Variants in PTBP1 observed in about 807,000 individuals in gnomAD.
PTBP1 encodes the protein polypyrimidine tract-binding protein 1.
A neutral mutation model predicts 59.8 loss-of-function variants in PTBP1; 8 were observed. The observed-to-expected ratio is 0.13, with a 90% CI of 0.08 to 0.24. The LOEUF is 0.24. Among genes scored for constraint, PTBP1 ranks in the 10% least tolerant of loss-of-function variants. The probability of loss-of-function intolerance (pLI) is 1.00; values close to 1 mark genes in which losing one functional copy is unlikely to be tolerated. For missense variants in PTBP1, 686 were observed against 767.0 expected (o/e 0.89, Z 1.25); for synonymous variants, 490 against 320.7 (o/e 1.53, Z -5.64).
At chr19:799,497 C>A in intron 2 of PTBP1, 54 bp downstream of exon 2, 1 of 1,581,308 alleles carries the variant, frequency 6.3e-7, no homozygotes, top group African/African-American at 1.3e-5. Context: ...TTGTGCCGAC[C>A]CCGGGGGCCA....
intron 1 of PTBP1, among the ~76,000 whole-genome samples, chr19:798,072 C>G (rs1243730467): frequency 6.6e-6 from 1 of 151,646 alleles, no homozygotes; most frequent in African/African-American, 2.4e-5. Flanking sequence ...CGCCGCGGGC[C>G]CGAGTCTCTG....
At chr19:802,908 T>G (rs962519384) in intron 2 of PTBP1, among the ~76,000 whole-genome samples, 3 of 152,242 alleles carry the variant, frequency 2.0e-5, no homozygotes, top group African/African-American at 7.2e-5. Flanking sequence ...GGAGCCGCTG[T>G]GGAGCTCCCC....
At chr19:802,598 G>C in intron 2 of PTBP1, among the ~76,000 whole-genome samples, 1 of 152,182 alleles carries the variant, frequency 6.6e-6, no homozygotes, top group Non-Finnish European at 1.5e-5. Flanking sequence ...CCCTGTCCTG[G>C]GGGGCCTGGG....
At chr19:810,672 G>A (rs765890703) in intron 14 of PTBP1, 22 bp from the exon 15 acceptor site, 2 of 1,611,740 alleles carry the variant, frequency 1.2e-6, no homozygotes, top group African/African-American at 1.3e-5. Context: ...CCTGCGGCCG[G>A]CCCTGACCCC....
chr19:812,184 G>A lies in PTBP1; in HGVS notation c.*1358G>A, dbSNP rs1265048005. On this transcript the variant is annotated 3_prime_UTR_variant, in exon 15 of 15. Coordinates refer to ENST00000356948, the MANE Select transcript of PTBP1 (RefSeq NM_002819.5). Reference sequence around the variant, plus strand: ...TCCGTTGCCTTACCCGATGGCTTGTGACGCGGAGAGAACCGATTAAAACCG... The same window carrying A: ...TCCGTTGCCTTACCCGATGGCTTGTAACGCGGAGAGAACCGATTAAAACCG... 1 of 152,452 alleles carries A rather than the reference G, an allele frequency of 6.6e-6. No individual in the cohort carries two copies. Among genetic ancestry groups the A allele is most frequent in the African/African-American group, 2.4e-5 (1 of 41,462 alleles). The allele number at this position is 152,452 out of a possible 1,614,324, so 9.4% of individuals were successfully genotyped here. A position where few individuals can be genotyped will look rare whatever the true frequency, so the allele number is the denominator to read the frequency against.
Position 805,082 on chromosome 19 carries a change from C to G in PTBP1, c.787C>G (p.Leu263Val). The G allele has an allele frequency of 6.2e-7, 1 of 1,613,924 alleles. No individual in the cohort carries two copies. Among genetic ancestry groups the G allele is most frequent in the Non-Finnish European group, 8.5e-7 (1 of 1,179,888 alleles). Reference protein sequence around the residue: ...LRIDFSKLTSLNVKYNNDKSR... With the variant: ...LRIDFSKLTSVNVKYNNDKSR... ...CATCGACTTTTCCAAGCTCACCAGC[C>G]TCAACGTCAAGTACAACAATGACAA... The change falls in exon 8 of 15, where the codon CTC becomes GTC. Residue 263 changes from leucine to valine, a missense_variant. Transcript: ENST00000356948.
At chr19:800,624 G>A (rs553201049) in intron 2 of PTBP1, among the ~76,000 whole-genome samples, 1 of 152,348 alleles carries the variant, frequency 6.6e-6, no homozygotes, top group Non-Finnish European at 1.5e-5. Context: ...CCTGGGCCAG[G>A]TTTCGGTTTT....
At position 805,207 on chromosome 19, in the gene PTBP1, G is replaced by C. The variant is rs369478306; in HGVS notation, c.892+20G>C. 1.2e-6 allele frequency: 2 copies of C among 1,611,688 alleles called. No individual in the cohort carries two copies. The highest frequency in any genetic ancestry group is 1.7e-6 in the Non-Finnish European group (2 of 1,179,086). ...CCTTCGGTAAGAGGCTGCCCGACGC[G>C]GCGCCAGTGTGCAGAGTGGTCTATT... On this transcript the variant is annotated intron_variant, in intron 8 of 14. Coordinates refer to ENST00000356948, the MANE Select transcript of PTBP1 (RefSeq NM_002819.5).
Position 803,460 on chromosome 19 carries a change from TG to T in PTBP1, c.40-98del, listed in dbSNP as rs1599225474. 1.2e-4 allele frequency: 115 copies of T among 976,668 alleles called. 1 individual carries two copies. The South Asian group carries it at 1.5e-3, about 13-fold the overall frequency. The allele number at this position is 976,668 out of a possible 1,614,324, so 60.5% of individuals were successfully genotyped here. A position where few individuals can be genotyped will look rare whatever the true frequency, so the allele number is the denominator to read the frequency against. ...TGGGTGTGGGTATGGGTTGGGGGTC[TG>T]GGACCCCAGGCAGCCCAAGTGGGAG... On this transcript the variant is annotated intron_variant, in intron 2 of 14. Transcript: ENST00000356948.
chr19:806,586 T>C, intron 10 of PTBP1, 30 bp downstream of exon 10: 2 of 1,469,978 alleles, frequency 1.4e-6, no homozygotes, highest in Non-Finnish European at 1.8e-6. Flanking sequence ...GCGCCGCCGT[T>C]CCTCCCGGAA....
intron 10 of PTBP1, 167 bp from the exon 11 acceptor site, chr19:807,702 C>G: frequency 1.7e-6 from 1 of 603,320 alleles, no homozygotes; most frequent in Non-Finnish European, 3.0e-6. Flanking sequence ...CCCTGCTCTC[C>G]GGAAACCAAC....
rs1317191140 is a variant in PTBP1, at chr19:808,839, G to A, written c.1463+77G>A. 2 of 1,387,766 alleles carry A rather than the reference G, an allele frequency of 1.4e-6. No individual in the cohort carries two copies. Among genetic ancestry groups the A allele is most frequent in the Non-Finnish European group, 2.0e-6 (2 of 1,000,792 alleles). 86.0% of individuals were successfully genotyped at this position (1,387,766 alleles called of 1,614,324 possible). On this transcript the variant is annotated intron_variant, in intron 13 of 14. Transcript: ENST00000356948. The surrounding 1 kb of genome is among the most constrained non-coding windows in gnomAD (Gnocchi z 4.7). ...CTTGGCTGTCCTACCGCGTCGGTGT[G>A]TGGACTTCTGGCGTTTCCAGAGTGC... is the stretch of plus-strand genomic sequence containing the variant.
chr19:798,983 CG>C (rs2034206170), intron 1 of PTBP1, among the ~76,000 whole-genome samples: 2 of 152,374 alleles, frequency 1.3e-5, no homozygotes, highest in African/African-American at 4.8e-5. Flanking sequence ...CACCCCTACC[CG>C]GGTGGAAGCT....
intron 2 of PTBP1, 100 bp from the exon 3 acceptor site, chr19:803,461 G>A (rs1333141883): frequency 7.1e-6 from 7 of 987,940 alleles, no homozygotes; most frequent in South Asian, 2.8e-5. Context: ...TTGGGGGTCT[G>A]GGACCCCAGG....
Position 806,440 on chromosome 19 carries a change from G to A in PTBP1, c.1003G>A (p.Ala335Thr), listed in dbSNP as rs1195981674. The A allele has an allele frequency of 1.9e-6, 3 of 1,601,188 alleles. No individual in the cohort carries two copies. Among genetic ancestry groups the A allele is most frequent in the Non-Finnish European group, 1.7e-6 (2 of 1,174,170 alleles). Reference sequence around the variant, plus strand: ...CGTTCCGAACGTCCACGGCGCCCTGGCCCCCCTGGCCATCCCCTCGGCGGC... The same window carrying A: ...CGTTCCGAACGTCCACGGCGCCCTGACCCCCCTGGCCATCCCCTCGGCGGC... ...LSVPNVHGALAPLAIPSAAAA... is the reference protein window; with the variant it reads ...LSVPNVHGALTPLAIPSAAAA... The change falls in exon 10 of 15, where the codon GCC becomes ACC. Residue 335 changes from alanine to threonine, a missense_variant. Ala to Thr is a moderately conservative substitution (Grantham distance 58). Transcript: ENST00000356948.
chr19:805,298 G>C, intron 8 of PTBP1, 111 bp downstream of exon 8: 2 of 1,341,666 alleles, frequency 1.5e-6, no homozygotes, highest in South Asian at 1.3e-5. Flanking sequence ...TGCACCTGCT[G>C]CTCTCTGCAC....
At chr19:798,109 G>T (rs1347964541) in intron 1 of PTBP1, among the ~76,000 whole-genome samples, 9 of 150,904 alleles carry the variant, frequency 6.0e-5, no homozygotes, top group Admixed American at 5.9e-4. Flanking sequence ...CCTGCCCCCC[G>T]TGCGCCCCGG....
chr19:806,319 T>C, intron 9 of PTBP1, 89 bp from the exon 10 acceptor site: 1 of 1,392,260 alleles, frequency 7.2e-7, no homozygotes, highest in Middle Eastern at 2.3e-4. Flanking sequence ...GCTCGGCTCC[T>C]CGGTGCATGA....
intron 13 of PTBP1, among the ~76,000 whole-genome samples, chr19:810,271 GCTCCC>G (rs2034794324): frequency 6.6e-6 from 1 of 152,152 alleles, no homozygotes; most frequent in African/African-American, 2.4e-5. Flanking sequence ...ACGCCACTGT[GCTCCC>G]GCCTGGGCGA....
Sources: gnomAD v4.1 joint callset for allele counts (sites outside exome capture counted in the v4.1 genomes callset) on GRCh38, gnomAD v4.1.1 for gene constraint, Gnocchi (gnomAD v3.1) non-coding constraint, MANE v1.5 for transcripts, NCBI Gene and HGNC (gene_info 2026-07-23, HGNC 2026-07-21) for gene names.